Variants in PRPF6 observed in about 807,000 individuals in gnomAD.
PRPF6 encodes the protein pre-mRNA-processing factor 6.
A neutral mutation model predicts 118.3 loss-of-function variants in PRPF6; 42 were observed. That is an observed-to-expected ratio of 0.35 (90% CI 0.28 to 0.46). The LOEUF (loss-of-function observed/expected upper bound fraction) is 0.46. Ranked by LOEUF, PRPF6 falls within the 20% of genes least tolerant of loss-of-function variation. The pLI is 1.00. For missense variants in PRPF6, 662 were observed against 1,255.7 expected, an observed-to-expected ratio of 0.53 and a Z score of 7.15; for synonymous variants, 481 against 485.1, an observed-to-expected ratio of 0.99 and a Z score of 0.11.
In PRPF6 at chr20:64,027,907, C is replaced by T. The variant is rs1321635745; in HGVS notation, c.2339+171C>T. On this transcript the variant is annotated intron_variant, in intron 17 of 20. Coordinates refer to ENST00000266079, the MANE Select transcript of PRPF6 (RefSeq NM_012469.4). The surrounding 1 kb of genome is among the most constrained non-coding windows in gnomAD (Gnocchi z 6.5). ...TCACGGTCCCTGCCTTAGGAGAGTT[C>T]GGCCTAGGTACTGTGACAGGCCTGT... 6.6e-6 allele frequency among the ~76,000 whole-genome samples: 1 copy of T among 152,064 alleles called. No individual in the cohort carries two copies. Among genetic ancestry groups the T allele is most frequent in the African/African-American group, 2.4e-5 (1 of 41,390 alleles).
intron 11 of PRPF6, among the ~76,000 whole-genome samples, chr20:64,014,735 C>G (rs979765769): frequency 6.6e-6 from 1 of 152,230 alleles, no homozygotes; most frequent in Non-Finnish European, 1.5e-5. Flanking sequence ...ACAGCTTAGC[C>G]TGCCTACGTC....
intron 6 of PRPF6, among the ~76,000 whole-genome samples, chr20:63,996,785 T>C (rs1429257078): frequency 1.3e-5 from 2 of 152,004 alleles, no homozygotes; most frequent in Non-Finnish European, 2.9e-5. Context: ...CTAAAAGAAA[T>C]AGCTGGGCCT....
chr20:64,013,555 C>T (rs576747099), intron 11 of PRPF6, among the ~76,000 whole-genome samples: 5 of 152,074 alleles, frequency 3.3e-5, no homozygotes, highest in East Asian at 3.9e-4. Flanking sequence ...GCAATCCTCC[C>T]GCCTTAACCT....
chr20:63,983,239 G>T, intron 2 of PRPF6, 24 bp downstream of exon 2: 1 of 1,613,860 alleles, frequency 6.2e-7, no homozygotes, highest in Non-Finnish European at 8.5e-7. Context: ...GGCTTTCGTG[G>T]CTCCTCCAGC....
intron 11 of PRPF6, among the ~76,000 whole-genome samples, chr20:64,014,426 G>T (rs529576632): frequency 3.9e-5 from 6 of 152,082 alleles, no homozygotes; most frequent in Admixed American, 3.3e-4. Context: ...GGGCTGAGGC[G>T]GGTGGATCAC....
chr20:63,999,735 G>A lies in PRPF6; in HGVS notation c.999G>A (p.Met333Ile), dbSNP rs2059158105. Residue 333 changes from methionine to isoleucine, a missense_variant, in exon 8 of 21, where the codon ATG becomes ATA. Coordinates refer to ENST00000266079, the MANE Select transcript of PRPF6 (RefSeq NM_012469.4). ...GKLQVARNLI[M>I]KGTEMCPKSE... ...TACAAGTAGCTCGGAACCTTATCATGAAGGGGACGGAGATGTGCCCCAAGG... is the reference window on the plus strand; with the variant it reads ...TACAAGTAGCTCGGAACCTTATCATAAAGGGGACGGAGATGTGCCCCAAGG... 1.2e-6 allele frequency: 2 copies of A among 1,614,072 alleles called. No individual in the cohort carries two copies. Among genetic ancestry groups the A allele is most frequent in the South Asian group, 2.2e-5 (2 of 91,086 alleles).
At position 64,011,455 on chromosome 20, in the gene PRPF6, C is replaced by T; in HGVS notation, c.1476C>T (p.Thr492=). 7 of 1,614,096 alleles carry T rather than the reference C, an allele frequency of 4.3e-6. No homozygotes were observed. Among genetic ancestry groups the T allele is most frequent in the Non-Finnish European group, 5.9e-6 (7 of 1,180,044 alleles). Residue 492 remains threonine (T), a synonymous_variant, in exon 11 of 21, where the codon ACC becomes ACT. Coordinates refer to ENST00000266079, the MANE Select transcript of PRPF6 (RefSeq NM_012469.4). This position sits in a 1 kb window ranked among gnomAD's most constrained non-coding sequence, Gnocchi z 6.7. The part of the protein sequence containing the change: ...MVEKIIDRAI[T]SLRANGVEIN... Reference sequence around the variant, plus strand: ...AGAAGATCATCGACCGAGCCATCACCTCGCTGCGGGCCAACGGTGTGGAGA... The same window carrying T: ...AGAAGATCATCGACCGAGCCATCACTTCGCTGCGGGCCAACGGTGTGGAGA...
In PRPF6 at chr20:64,028,634, C is replaced by T. The variant is rs371570660; in HGVS notation, c.2431+65C>T. Reference sequence around the variant, plus strand: ...CTCCGGTAAGGGGGTGCCTTGACTCCGGTAAGGGGGTGCTTCCTGGCTTCC... The same window carrying T: ...CTCCGGTAAGGGGGTGCCTTGACTCTGGTAAGGGGGTGCTTCCTGGCTTCC... On this transcript the variant is annotated intron_variant, in intron 18 of 20. Transcript: ENST00000266079. This position sits in a 1 kb window ranked among gnomAD's most constrained non-coding sequence, Gnocchi z 6.5. 1.0e-4 allele frequency: 163 copies of T among 1,568,232 alleles called. 1 individual carries two copies. In the East Asian group the frequency reaches 1.8e-3, roughly 17 times the overall value.
chr20:63,996,887 C>CCT (rs760587843), intron 6 of PRPF6, among the ~76,000 whole-genome samples: 62 of 152,216 alleles, frequency 4.1e-4, no homozygotes, highest in Non-Finnish European at 7.2e-4. Context: ...TATGATCGCG[C>CCT]CTCTGCACAC....
At chr20:64,014,989 C>T (rs2059230830) in intron 11 of PRPF6, among the ~76,000 whole-genome samples, 2 of 152,186 alleles carry the variant, frequency 1.3e-5, no homozygotes, top group Non-Finnish European at 1.5e-5. Context: ...AGGGTTCCTC[C>T]ATGTTGTAGC....
intron 9 of PRPF6, among the ~76,000 whole-genome samples, chr20:64,006,297 G>C (rs1399811951): frequency 6.7e-6 from 1 of 149,672 alleles, no homozygotes; most frequent in Non-Finnish European, 1.5e-5. Flanking sequence ...ACTCCCTTTG[G>C]AGTAGCTCGT....
chr20:64,013,818 AT>A (rs1283570176), intron 11 of PRPF6, among the ~76,000 whole-genome samples: 2 of 152,208 alleles, frequency 1.3e-5, no homozygotes, highest in African/African-American at 2.4e-5. Context: ...GTTTTAGTAT[AT>A]TCACAGAGCT....
At chr20:64,019,812 C>T (rs886586608) in intron 12 of PRPF6, among the ~76,000 whole-genome samples, 8 of 152,202 alleles carry the variant, frequency 5.3e-5, no homozygotes, top group African/African-American at 1.9e-4. Flanking sequence ...AGACTGAAGC[C>T]ATGTGACTTG....
At chr20:64,001,763 C>A (rs922670078) in intron 9 of PRPF6, among the ~76,000 whole-genome samples, 2 of 152,228 alleles carry the variant, frequency 1.3e-5, no homozygotes, top group African/African-American at 4.8e-5. Context: ...GGTCAGATAA[C>A]GACAGACGGT....
In PRPF6 at chr20:63,981,134, C is replaced by A. The variant is rs1019278579; in HGVS notation, c.-112C>A. On this transcript the variant is annotated 5_prime_UTR_variant, in exon 1 of 21. Coordinates refer to ENST00000266079, the MANE Select transcript of PRPF6 (RefSeq NM_012469.4). ...TTCCGGGGCGCGGGTGACGCGACGACGGCGACACTTTGCTACGGAGTGCAT... is the reference window on the plus strand; with the variant it reads ...TTCCGGGGCGCGGGTGACGCGACGAAGGCGACACTTTGCTACGGAGTGCAT... The A allele has an allele frequency of 1.7e-6, 2 of 1,183,106 alleles. No individual in the cohort carries two copies. Among genetic ancestry groups the A allele is most frequent in the African/African-American group, 3.1e-5 (2 of 65,482 alleles). The allele number at this position is 1,183,106 out of a possible 1,614,324, so 73.3% of individuals were successfully genotyped here. A position where few individuals can be genotyped will look rare whatever the true frequency, so the allele number is the denominator to read the frequency against.
At chr20:63,989,878 G>A (rs1227474481) in intron 3 of PRPF6, among the ~76,000 whole-genome samples, 1 of 151,964 alleles carries the variant, frequency 6.6e-6, no homozygotes, top group Non-Finnish European at 1.5e-5. Context: ...ATTTTTTGAA[G>A]ATAATTTTAG....
chr20:63,988,242 C>T (rs1295417048), intron 3 of PRPF6, among the ~76,000 whole-genome samples: 1 of 151,888 alleles, frequency 6.6e-6, no homozygotes, highest in Non-Finnish European at 1.5e-5. Context: ...ATTGCTTGAA[C>T]CTAGGAGGCA....
Position 64,011,835 on chromosome 20 carries a change from C to G in PRPF6, c.1524+332C>G, listed in dbSNP as rs1315928150. ...TCTTTCTTTGCTAGTAGAAATGATACACCTACGAGAGGAGGACAGGAAGTC... is the reference window on the plus strand; with the variant it reads ...TCTTTCTTTGCTAGTAGAAATGATAGACCTACGAGAGGAGGACAGGAAGTC... On this transcript the variant is annotated intron_variant, in intron 11 of 20. Coordinates refer to ENST00000266079, the MANE Select transcript of PRPF6 (RefSeq NM_012469.4). The surrounding 1 kb of genome is among the most constrained non-coding windows in gnomAD (Gnocchi z 6.7). 9.3e-6 allele frequency among the ~76,000 whole-genome samples: 1 copy of G among 107,980 alleles called. No individual in the cohort carries two copies. The highest frequency in any genetic ancestry group is 4.0e-5 in the African/African-American group (1 of 25,004). 70.8% of individuals were successfully genotyped at this position (107,980 alleles called of 152,430 possible).
At chr20:63,986,913 A>G (rs1445991394) in intron 3 of PRPF6, among the ~76,000 whole-genome samples, 2 of 151,304 alleles carry the variant, frequency 1.3e-5, no homozygotes, top group Non-Finnish European at 2.9e-5. Context: ...TCACGTCTGT[A>G]ATCCCAGCAC....
Sources: gnomAD v4.1 joint callset for allele counts (sites outside exome capture counted in the v4.1 genomes callset) on GRCh38, gnomAD v4.1.1 for gene constraint, Gnocchi (gnomAD v3.1) non-coding constraint, MANE v1.5 for transcripts, NCBI Gene and HGNC (gene_info 2026-07-23, HGNC 2026-07-21) for gene names.